The following DCTN5 variants were observed in gnomAD, a reference collection of about 807,000 sequenced individuals.
The protein encoded by DCTN5 is dynactin subunit 5, also known as dynactin 4.
DCTN5 carries 14 observed loss-of-function variants against 23.5 expected under a neutral mutation model. That is an observed-to-expected ratio of 0.60 (90% CI 0.39 to 0.93). DCTN5 has a LOEUF of 0.93. DCTN5 is among the 40% of genes least tolerant of loss of function. DCTN5 has a pLI of 0.00. For synonymous variants in DCTN5, 67 were observed against 79.6 expected (o/e 0.84, Z 0.84); for missense variants, 156 against 225.9 (o/e 0.69, Z 1.98).
intron 2 of DCTN5, chr16:23,650,965 GC>G: frequency 1.4e-6 from 2 of 1,421,716 alleles, no homozygotes. Context: ...GCTTTCCAGA[GC>G]GTCTGATTCT....
In DCTN5 at chr16:23,670,082, G is replaced by T. The variant is rs985649731; in HGVS notation, c.*2938G>T. Reference sequence around the variant, plus strand: ...TGGGTCATCTAGCACATCCTTAATAGAATGATTGCCTGGATGTGACCACCC... The same window carrying T: ...TGGGTCATCTAGCACATCCTTAATATAATGATTGCCTGGATGTGACCACCC... On this transcript the variant is annotated 3_prime_UTR_variant, in exon 6 of 6. Coordinates refer to ENST00000300087, the MANE Select transcript of DCTN5 (RefSeq NM_032486.4). 1 of 152,148 alleles carries T rather than the reference G, an allele frequency of 6.6e-6. No individual in the cohort carries two copies. Among genetic ancestry groups the T allele is most frequent in the Non-Finnish European group, 1.5e-5 (1 of 68,072 alleles). The allele number at this position is 152,148 out of a possible 1,614,324, so 9.4% of individuals were successfully genotyped here.
chr16:23,658,685 T>TCCATGTGTTGGA (rs1967756903), intron 3 of DCTN5, 60 bp downstream of exon 3: 1 of 1,323,260 alleles, frequency 7.6e-7, no homozygotes, highest in African/African-American at 1.4e-5. Flanking sequence ...GGTGGTGTGG[T>TCCATGTGTTGGA]CCATGTGTTG....
intron 2 of DCTN5, among the ~76,000 whole-genome samples, chr16:23,645,112 TATATATATATATATATATATATATA>T (rs1290450836): frequency 0.026 from 1,045 of 39,824 alleles, 87 homozygotes; most frequent in Non-Finnish European, 0.038. Flanking sequence ...TATATATATA[TATATATATATATATATATATATATA>T]TTTTTTTTTT....
At chr16:23,653,339 C>G (rs1967640105) in intron 2 of DCTN5, among the ~76,000 whole-genome samples, 2 of 152,110 alleles carry the variant, frequency 1.3e-5, no homozygotes, top group Admixed American at 6.6e-5. Flanking sequence ...CAGCGTGTTG[C>G]TGGTACAAGA....
rs1166226319 is a variant in DCTN5 at position 23,670,752 on chromosome 16, C to T, written c.*3608C>T. The T allele has an allele frequency of 2.0e-5, 3 of 152,108 alleles. No homozygotes were observed. The allele number at this position is 152,108 out of a possible 1,614,324, so 9.4% of individuals were successfully genotyped here. On this transcript the variant is annotated 3_prime_UTR_variant, in exon 6 of 6. Coordinates refer to ENST00000300087, the MANE Select transcript of DCTN5 (RefSeq NM_032486.4). ...AATGTCTCGCCAACTTCTACAGTTC[C>T]CATAAGTACATGATAACTGAAACAC...
chr16:23,646,756 AG>A (rs1406644979), intron 2 of DCTN5, among the ~76,000 whole-genome samples: 1 of 151,844 alleles, frequency 6.6e-6, no homozygotes, highest in African/African-American at 2.4e-5. Context: ...TTGTATTTTT[AG>A]TAGAGACAGG....
chr16:23,641,733 C>A, intron 1 of DCTN5, 143 bp downstream of exon 1: 1 of 860,750 alleles, frequency 1.2e-6, no homozygotes, highest in Non-Finnish European at 1.9e-6. Context: ...GCCCCGTGTA[C>A]CGTCTGGCTT....
At chr16:23,651,153 G>A (rs1317793442) in intron 2 of DCTN5, 33 of 1,188,716 alleles carry the variant, frequency 2.8e-5, no homozygotes, top group Non-Finnish European at 3.4e-5. Context: ...AACAATACAG[G>A]TTTGCAAGTA....
intron 5 of DCTN5, 54 bp from the exon 6 acceptor site, chr16:23,666,988 ATATCT>A: frequency 6.2e-7 from 1 of 1,607,254 alleles, no homozygotes; most frequent in Non-Finnish European, 8.5e-7. Flanking sequence ...TGCCAGAGAA[ATATCT>A]TAACTTCTTG....
chr16:23,645,661 C>CT, intron 2 of DCTN5, among the ~76,000 whole-genome samples: 1 of 152,236 alleles, frequency 6.6e-6, no homozygotes, highest in Non-Finnish European at 1.5e-5. Context: ...AATATTTGTC[C>CT]TTTTTGTCTG....
chr16:23,655,642 T>C (rs1967689546), intron 2 of DCTN5, among the ~76,000 whole-genome samples: 1 of 151,416 alleles, frequency 6.6e-6, no homozygotes, highest in Non-Finnish European at 1.5e-5. Context: ...CTCCACATAC[T>C]CAGACAATCC....
At chr16:23,658,486 A>G in intron 2 of DCTN5, 21 bp from the exon 3 acceptor site, 2 of 1,576,874 alleles carry the variant, frequency 1.3e-6, no homozygotes, top group Non-Finnish European at 1.7e-6. Flanking sequence ...CTAATTTTTT[A>G]AAATTTGCTT....
intron 2 of DCTN5, among the ~76,000 whole-genome samples, chr16:23,644,726 A>G (rs8054855): frequency 0.098 from 14,810 of 151,314 alleles, 1,110 homozygotes; most frequent in African/African-American, 0.2. Flanking sequence ...ATGAGCCACC[A>G]CGCCCAGCCC....
Position 23,670,396 on chromosome 16 carries a change from C to CA in DCTN5, c.*3253dup, listed in dbSNP as rs1967984385. ...TACATCTGGCAGACTTGAAATTAATCAGACAAACATTGTTCATAGTTAACA... is the reference window on the plus strand; with the variant it reads ...TACATCTGGCAGACTTGAAATTAATCAAGACAAACATTGTTCATAGTTAACA... On this transcript the variant is annotated 3_prime_UTR_variant, in exon 6 of 6. Coordinates refer to ENST00000300087, the MANE Select transcript of DCTN5 (RefSeq NM_032486.4). The CA allele has an allele frequency of 6.6e-6, 1 of 152,174 alleles. No homozygotes were observed. Among genetic ancestry groups the CA allele is most frequent in the South Asian group, 2.1e-4 (1 of 4,816 alleles). The allele number at this position is 152,174 out of a possible 1,614,324, so 9.4% of individuals were successfully genotyped here.
chr16:23,658,679 G>A, intron 3 of DCTN5, 54 bp downstream of exon 3: 2 of 1,375,784 alleles, frequency 1.5e-6, no homozygotes, highest in Non-Finnish European at 2.1e-6. Flanking sequence ...GCCACTGGTG[G>A]TGTGGTCCAT....
At chr16:23,650,068 G>T (rs1399448127) in intron 2 of DCTN5, among the ~76,000 whole-genome samples, 1 of 151,340 alleles carries the variant, frequency 6.6e-6, no homozygotes, top group African/African-American at 2.4e-5. Flanking sequence ...GTGTCTTTTT[G>T]TAATGCCAGT....
intron 4 of DCTN5, among the ~76,000 whole-genome samples, chr16:23,663,892 G>A (rs1967860550): frequency 1.3e-5 from 2 of 152,344 alleles, no homozygotes; most frequent in African/African-American, 4.8e-5. Context: ...CCAACCAGTG[G>A]ACAGAGCAGG....
At chr16:23,644,724 C>T (rs1328848400) in intron 2 of DCTN5, among the ~76,000 whole-genome samples, 1 of 151,854 alleles carries the variant, frequency 6.6e-6, no homozygotes, top group Non-Finnish European at 1.5e-5. Flanking sequence ...GCATGAGCCA[C>T]CACGCCCAGC....
intron 4 of DCTN5, 144 bp downstream of exon 4, chr16:23,661,425 T>A (rs529378127): frequency 1.5e-4 from 91 of 591,332 alleles, no homozygotes; most frequent in South Asian, 1.4e-3. Context: ...TTGACAGATA[T>A]GGAATTTTTT....
Sources: allele counts gnomAD v4.1 joint callset (sites outside exome capture counted in the v4.1 genomes callset), GRCh38; gene constraint gnomAD v4.1.1; transcripts MANE v1.5; gene names NCBI Gene and HGNC (gene_info 2026-07-23, HGNC 2026-07-21).